DNHD1: variants seen among roughly 807,000 people sequenced by gnomAD.
DNHD1 encodes dynein heavy chain domain 1, also known as dynein heavy chain domain-containing protein 1.
In DNHD1, 383 loss-of-function variants were observed where a neutral mutation model predicts 458.1. That is an observed-to-expected ratio of 0.84 (90% CI 0.77 to 0.91). The LOEUF (loss-of-function observed/expected upper bound fraction) is 0.91. Among genes scored for constraint, DNHD1 ranks in the 40% least tolerant of loss-of-function variants. The pLI is 0.00. For missense variants in DNHD1, 5,336 were observed against 5,866.1 expected, an observed-to-expected ratio of 0.91 and a Z score of 2.95; for synonymous variants, 2,203 against 2,376.9, an observed-to-expected ratio of 0.93 and a Z score of 2.13.
chr11:6,560,345 A>G (rs1853560148), intron 28 of DNHD1, among the ~76,000 whole-genome samples: 1 of 152,182 alleles, frequency 6.6e-6, no homozygotes, highest in Non-Finnish European at 1.5e-5. Flanking sequence ...CGTGTCTACT[A>G]ATATGGTTTT....
rs781465593 is a variant in DNHD1 at position 6,498,656 on chromosome 11, T to G, written c.441T>G (p.Ala147=). The change falls in exon 3 of 43, where the codon GCT becomes GCG. Residue 147 remains alanine, a synonymous_variant. Transcript: ENST00000254579. ...CTTTGTTAGACAGTGCTTCCCATGC[T>G]GACTGCTGTCCCCAGAAGCGGAGGC... The part of the protein sequence containing the change: ...DSSLLDSASH[A]DCCPQKRRLH... 6.4e-5 allele frequency: 104 copies of G among 1,614,124 alleles called. No homozygotes were observed. Among genetic ancestry groups the G allele is most frequent in the Non-Finnish European group, 8.7e-5 (103 of 1,180,036 alleles).
In DNHD1 at chr11:6,568,066, A is replaced by T. The variant is rs1371819206; in HGVS notation, c.12362A>T (p.Gln4121Leu). Residue 4121 changes from glutamine to leucine, a missense_variant, in exon 37 of 43, where the codon CAA (glutamine) becomes CTA (leucine). Physicochemically the swap from Gln to Leu is moderately radical, Grantham distance 113. This residue lies in a region of DNHD1 where 695 missense variants were observed against 804.2 expected (regional missense o/e 0.86). Transcript: ENST00000254579. ...LAAKYQQGQKQLQVIALGSEA... is the reference protein window; with the variant it reads ...LAAKYQQGQKLLQVIALGSEA... ...TTTTTTGGTCCCCAGGGGCAGAAGC[A>T]ACTGCAGGTGATAGCCCTGGGCTCT... 30 of 1,572,460 alleles carry T rather than the reference A, an allele frequency of 1.9e-5. No individual in the cohort carries two copies. Among genetic ancestry groups the T allele is most frequent in the Non-Finnish European group, 2.4e-5 (28 of 1,157,294 alleles).
In DNHD1 at chr11:6,558,618, C is replaced by A. The variant is rs1178158245; in HGVS notation, c.9136C>A (p.Pro3046Thr). Reference sequence around the variant, plus strand: ...CACTGCCAGCATTGACCGCTATGAACCCTGGGACCAAGCTGCCCTGGCCAA... The same window carrying A: ...CACTGCCAGCATTGACCGCTATGAAACCTGGGACCAAGCTGCCCTGGCCAA... ...LATASIDRYE[P>T]WDQAALAKVA... The change falls in exon 26 of 43, where the codon CCC (proline) becomes ACC (threonine). Residue 3046 changes from proline to threonine, a missense_variant. Pro to Thr is a conservative substitution (Grantham distance 38, BLOSUM62 -1). This residue lies in a region of DNHD1 where 3,932 missense variants were observed against 4,365.6 expected (regional missense o/e 0.90). Coordinates refer to ENST00000254579, the MANE Select transcript of DNHD1 (RefSeq NM_144666.3). 1 of 1,551,570 alleles carries A rather than the reference C, an allele frequency of 6.4e-7. No individual in the cohort carries two copies. Among genetic ancestry groups the A allele is most frequent in the South Asian group, 1.2e-5 (1 of 84,068 alleles).
chr11:6,551,881 C>T (rs1022236645), intron 24 of DNHD1, among the ~76,000 whole-genome samples: 2 of 133,596 alleles, frequency 1.5e-5, no homozygotes, highest in Non-Finnish European at 3.1e-5. Flanking sequence ...GTGGAAGTTG[C>T]GGTGAGCTGA....
At chr11:6,508,311 C>T (rs1164284754) in intron 4 of DNHD1, 1 of 153,378 alleles carries the variant, frequency 6.5e-6, no homozygotes, top group East Asian at 1.9e-4. Flanking sequence ...TTGTCTAGTA[C>T]ATTAGGTTGC....
In DNHD1 at chr11:6,544,249, A is replaced by T; in HGVS notation, c.3754+3A>T. 2 of 1,551,488 alleles carry T rather than the reference A, an allele frequency of 1.3e-6. No individual in the cohort carries two copies. Among genetic ancestry groups the T allele is most frequent in the Non-Finnish European group, 1.7e-6 (2 of 1,146,938 alleles). Reference sequence around the variant, plus strand: ...GGTGGCCATCATGCATGGCCTGGGTAAGTGCAGGCCTCTAGCCAGGCTGAT... The same window carrying T: ...GGTGGCCATCATGCATGGCCTGGGTTAGTGCAGGCCTCTAGCCAGGCTGAT... On this transcript the variant is annotated splice_donor_region_variant and intron_variant, in intron 19 of 42. Transcript: ENST00000254579.
rs1192940509 is a variant in DNHD1 at position 6,568,037 on chromosome 11, T to C, written c.12352-19T>C. 7 of 1,548,582 alleles carry C rather than the reference T, an allele frequency of 4.5e-6. No individual in the cohort carries two copies. The Admixed American group carries it at 1.3e-4, about 30-fold the overall frequency. ...AGGATCACTTTGAGTCATGCTGCCA[T>C]CTCTTTTTTGGTCCCCAGGGGCAGA... On this transcript the variant is annotated intron_variant, in intron 36 of 42. Transcript: ENST00000254579.
chr11:6,570,739 G>C lies in DNHD1; in HGVS notation c.13227G>C (p.Gln4409His). 1 of 1,611,466 alleles carries C rather than the reference G, an allele frequency of 6.2e-7. No homozygotes were observed. The highest frequency in any genetic ancestry group is 8.5e-7 in the Non-Finnish European group (1 of 1,178,832). The change falls in exon 42 of 43, where the codon CAG (glutamine) becomes CAC (histidine). Residue 4409 changes from glutamine (Q) to histidine (H), a missense_variant. This residue lies in a region of DNHD1 where 698 missense variants were observed against 664.9 expected (regional missense o/e 1.05). Coordinates refer to ENST00000254579, the MANE Select transcript of DNHD1 (RefSeq NM_144666.3). ...CCCAAGCCTGGCTGTTGCGACGCCA[G>C]AGTCGCGCTCTCTTGAGTGCGCTGC... ...EGPQAWLLRRQSRALLSALQR... is the reference protein window; with the variant it reads ...EGPQAWLLRRHSRALLSALQR...
rs750956903 is a variant in DNHD1, at chr11:6,519,713, A to G, written c.1506A>G (p.Gln502=). 2 of 1,614,204 alleles carry G rather than the reference A, an allele frequency of 1.2e-6. No homozygotes were observed. Among genetic ancestry groups the G allele is most frequent in the Non-Finnish European group, 1.7e-6 (2 of 1,180,032 alleles). Residue 502 remains glutamine, a synonymous_variant, in exon 8 of 43, where the codon CAA becomes CAG. Transcript: ENST00000254579. ...ACCTTCAGAGGGTACAGCACAAGCA[A>G]CTGGAGCAGAAGCTGAAGCAAGCAG... ...SIYLQRVQHK[Q]LEQKLKQAEA...
rs11823948 is a variant in DNHD1 at position 6,554,894 on chromosome 11, C to T, written c.7388-1789C>T. Among the ~76,000 whole-genome samples, 886 of 152,318 alleles carry T rather than the reference C, an allele frequency of 5.8e-3. 8 individuals carry two copies. Among genetic ancestry groups the T allele is most frequent in the African/African-American group, 0.02 (839 of 41,566 alleles). On this transcript the variant is annotated intron_variant, in intron 24 of 42. Transcript: ENST00000254579. ...TAACATATGACCCAGCAATTCCACT[C>T]TTAGGTATTCACCCAAGTAAAATGA...
Position 6,570,098 on chromosome 11 carries a change from C to G in DNHD1, c.12953C>G (p.Ala4318Gly), listed in dbSNP as rs768239173. The change falls in exon 40 of 43, where the codon GCT (alanine) becomes GGT (glycine). Residue 4318 changes from alanine (A) to glycine (G), a missense_variant and splice_region_variant. Coordinates refer to ENST00000254579, the MANE Select transcript of DNHD1 (RefSeq NM_144666.3). ...SNPRAAMQEL[A>G]ASVFYGGPLG... ...CCCCGTGCTGCCATGCAAGAGCTGG[C>G]TGGTGAGACCCTTCCTCTCCCCCTT... 6.2e-7 allele frequency: 1 copy of G among 1,613,926 alleles called. No individual in the cohort carries two copies. The highest frequency in any genetic ancestry group is 2.2e-5 in the East Asian group (1 of 44,878).
chr11:6,566,561 T>C (rs974350737), intron 34 of DNHD1, 26 bp from the exon 35 acceptor site: 1 of 1,611,866 alleles, frequency 6.2e-7, no homozygotes, highest in Non-Finnish European at 8.5e-7. Flanking sequence ...GGGGAAGAGG[T>C]TAAGCATCTC....
At chr11:6,558,827 G>T in intron 26 of DNHD1, 75 bp from the exon 27 acceptor site, 1 of 1,521,844 alleles carries the variant, frequency 6.6e-7, no homozygotes, top group Non-Finnish European at 8.9e-7. Context: ...TTCTTCCTGA[G>T]CTAGGAGAGG....
At chr11:6,532,350 G>T (rs1292477385) in intron 12 of DNHD1, among the ~76,000 whole-genome samples, 1 of 152,136 alleles carries the variant, frequency 6.6e-6, no homozygotes, top group Non-Finnish European at 1.5e-5. Flanking sequence ...TGCCCTCTGA[G>T]ATAATAAAGT....
rs764944006 is a variant in DNHD1, at chr11:6,547,586, A to C, written c.6647A>C (p.Glu2216Ala). 1 of 1,548,970 alleles carries C rather than the reference A, an allele frequency of 6.5e-7. No homozygotes were observed. The change falls in exon 21 of 43, where the codon GAA (glutamate) becomes GCA (alanine). Residue 2216 changes from glutamate (E) to alanine (A), a missense_variant. By Grantham distance (107) the Glu-to-Ala change is moderately radical (BLOSUM62 -1). Around this residue, in one of 4 missense-constraint regions of DNHD1, gnomAD observed 3,932 missense variants for 4,365.6 expected, o/e 0.90. Coordinates refer to ENST00000254579, the MANE Select transcript of DNHD1 (RefSeq NM_144666.3). ...CAGGCTGTTTGTGCAGGTGTGGCAG[A>C]AGTTACCAGCATGGCACGCATCTTG... ...GQQAVCAGVA[E>A]VTSMARILHS...
intron 18 of DNHD1, among the ~76,000 whole-genome samples, chr11:6,540,615 A>C (rs1217286854): frequency 6.6e-6 from 1 of 152,182 alleles, no homozygotes; most frequent in East Asian, 1.9e-4. Flanking sequence ...GTAGAATCTC[A>C]GAGAGAGGAC....
Position 6,544,581 on chromosome 11 carries a change from G to T in DNHD1, c.3762G>T (p.Leu1254=). 6.4e-7 allele frequency: 1 copy of T among 1,551,392 alleles called. No individual in the cohort carries two copies. Among genetic ancestry groups the T allele is most frequent in the South Asian group, 1.2e-5 (1 of 84,046 alleles). The stretch of plus-strand genomic sequence containing the variant: ...CTCTGGCTGCTTACACAGGTGCCCT[G>T]CTGGAGGTGTGGCTGACTTTCCAGC... The part of the protein sequence containing the change: ...WVAIMHGLGA[L]LEVWLTFQQK... The change falls in exon 20 of 43, where the codon CTG becomes CTT. Residue 1254 remains leucine, a synonymous_variant. Transcript: ENST00000254579.
Position 6,557,197 on chromosome 11 carries a change from GA to G in DNHD1, c.7903del (p.Thr2635ProfsTer3). 6.4e-7 allele frequency: 1 copy of G among 1,551,672 alleles called. No homozygotes were observed. Among genetic ancestry groups the G allele is most frequent in the African/African-American group, 1.4e-5 (1 of 73,184 alleles). ...TGTCAGGCCTGCGAGGCACTTGTCT[GA>G]CCGTTATGATGGCCACACGCAATGT... is the stretch of plus-strand genomic sequence containing the variant. ...RVSGLRGTCL[T>X]VMMATRNVVR... is the part of the protein sequence containing the mutation. On this transcript the variant is annotated frameshift_variant, in exon 25 of 43. Coordinates refer to ENST00000254579, the MANE Select transcript of DNHD1 (RefSeq NM_144666.3). LOFTEE classifies it high-confidence loss of function.
At chr11:6,559,423 C>T in intron 28 of DNHD1, 140 bp downstream of exon 28, 1 of 713,212 alleles carries the variant, frequency 1.4e-6, no homozygotes, top group Non-Finnish European at 2.3e-6. Flanking sequence ...CTGATCTCCG[C>T]TGCCTCCTCC....
Sources: allele counts gnomAD v4.1 joint callset (sites outside exome capture counted in the v4.1 genomes callset), GRCh38; gene constraint gnomAD v4.1.1; regional missense constraint gnomAD v4.1.1; transcripts MANE v1.5; gene names NCBI Gene and HGNC (gene_info 2026-07-23, HGNC 2026-07-21).